The following FIBCD1 variants were observed in gnomAD, a reference collection of about 807,000 sequenced individuals.
FIBCD1 encodes the protein fibrinogen C domain containing 1.
Under a neutral mutation model 45.1 loss-of-function variants are expected in FIBCD1, and 47 were observed. That is an observed-to-expected ratio of 1.04 (90% CI 0.82 to 1.33). The LOEUF (loss-of-function observed/expected upper bound fraction) is 1.33. Ranked by LOEUF, FIBCD1 falls within the 40% of genes most tolerant of loss-of-function variation. The probability of loss-of-function intolerance (pLI) is 0.00; values close to 1 mark genes in which losing one functional copy is unlikely to be tolerated. For missense variants in FIBCD1, 653 were observed against 682.2 expected (o/e 0.96, Z 0.48); for synonymous variants, 313 against 308.1 (o/e 1.02, Z -0.17).
rs906651307 is a variant in FIBCD1, at chr9:130,926,466, T to C, written c.553-2070A>G. Among the ~76,000 whole-genome samples, 1 of 152,226 alleles carries C rather than the reference T, an allele frequency of 6.6e-6. No homozygotes were observed. The highest frequency in any genetic ancestry group is 1.5e-5 in the Non-Finnish European group (1 of 68,036). On this transcript the variant is annotated intron_variant, in intron 2 of 6. Transcript: ENST00000372338. This position sits in a 1 kb window ranked among gnomAD's most constrained non-coding sequence, Gnocchi z 4.1. ...GCTGCTGTCCCCGGCACTGCTTAGC[T>C]GTGTGAGTGAGCTTGCACACGCACC...
At chr9:130,915,317 C>A (rs1021717657) in intron 4 of FIBCD1, among the ~76,000 whole-genome samples, 1 of 152,194 alleles carries the variant, frequency 6.6e-6, no homozygotes, top group Non-Finnish European at 1.5e-5. Context: ...CACACCTGGC[C>A]CCCTGCCTTT....
chr9:130,915,431 G>A (rs778551370), intron 4 of FIBCD1, among the ~76,000 whole-genome samples: 1 of 152,186 alleles, frequency 6.6e-6, no homozygotes, highest in Non-Finnish European at 1.5e-5. Flanking sequence ...GGCCAGGAGC[G>A]GTGGCTCACG....
intron 1 of FIBCD1, among the ~76,000 whole-genome samples, chr9:130,935,378 A>C (rs1832502802): frequency 6.6e-6 from 1 of 152,200 alleles, no homozygotes; most frequent in Non-Finnish European, 1.5e-5. Context: ...TCATCTGACA[A>C]ACTCCAAACT....
intron 1 of FIBCD1, among the ~76,000 whole-genome samples, chr9:130,933,285 C>A (rs1055798480): frequency 6.6e-6 from 1 of 152,206 alleles, no homozygotes. Context: ...GGGCTCTGGG[C>A]GCTGAGCAGC....
intron 1 of FIBCD1, among the ~76,000 whole-genome samples, chr9:130,931,820 A>G (rs183848964): frequency 1.1e-4 from 16 of 152,380 alleles, no homozygotes; most frequent in African/African-American, 3.8e-4. Flanking sequence ...GGCCCCTCCT[A>G]TGATTGAATT....
chr9:130,916,805 AG>A (rs144039067), intron 4 of FIBCD1, among the ~76,000 whole-genome samples: 3,960 of 152,304 alleles, frequency 0.026, 101 homozygotes, highest in East Asian at 0.14. Context: ...CTAGGCAAAA[AG>A]GGGTGGGGAG....
chr9:130,917,720 C>T (rs1832191837), intron 4 of FIBCD1, among the ~76,000 whole-genome samples: 1 of 152,220 alleles, frequency 6.6e-6, no homozygotes, highest in African/African-American at 2.4e-5. Context: ...TAGCACCCGG[C>T]CAGTGCCGTA....
In FIBCD1 at chr9:130,926,157, C is replaced by T. The variant is rs936574277; in HGVS notation, c.553-1761G>A. Among the ~76,000 whole-genome samples, 6 of 152,100 alleles carry T rather than the reference C, an allele frequency of 3.9e-5. No homozygotes were observed. Among genetic ancestry groups the T allele is most frequent in the Admixed American group, 2.6e-4 (4 of 15,278 alleles). On this transcript the variant is annotated intron_variant, in intron 2 of 6. Transcript: ENST00000372338. The surrounding 1 kb of genome is among the most constrained non-coding windows in gnomAD (Gnocchi z 4.1). ...AGGAGGGAAGACGGTAGGTGGGGGC[C>T]GCCGTGCGATGTGTGTGCGGCAAAC...
At chr9:130,906,000 T>C (rs1163863390) in intron 5 of FIBCD1, among the ~76,000 whole-genome samples, 1 of 152,150 alleles carries the variant, frequency 6.6e-6, no homozygotes, top group Non-Finnish European at 1.5e-5. Flanking sequence ...GGAATTCCCG[T>C]GACAGTGGCA....
At chr9:130,930,087 C>A in intron 1 of FIBCD1, 41 bp from the exon 2 acceptor site, 1 of 1,478,864 alleles carries the variant, frequency 6.8e-7, no homozygotes, top group Non-Finnish European at 8.9e-7. Context: ...GACAGACAGA[C>A]GGGAGAGAGA....
chr9:130,937,594 T>A (rs1454058343), intron 1 of FIBCD1, among the ~76,000 whole-genome samples: 1 of 152,142 alleles, frequency 6.6e-6, no homozygotes, highest in South Asian at 2.1e-4. Context: ...CACGAACTGT[T>A]CCTTCCCCAA....
At chr9:130,924,922 C>T (rs1411024641) in intron 2 of FIBCD1, among the ~76,000 whole-genome samples, 6 of 152,270 alleles carry the variant, frequency 3.9e-5, no homozygotes, top group East Asian at 1.9e-4. Context: ...AAGGACCGGC[C>T]GGGTACTCAG....
chr9:130,929,526 T>G, intron 2 of FIBCD1, 41 bp downstream of exon 2: 1 of 1,485,694 alleles, frequency 6.7e-7, no homozygotes, highest in Middle Eastern at 1.8e-4. Flanking sequence ...CACCAACCCC[T>G]CGCCTCCAGC....
Position 130,911,850 on chromosome 9 carries a change from GA to G in FIBCD1, c.887del (p.Phe296SerfsTer20). ...QRREDGSVNF[F>X]RGWDAYRDGF... is the part of the protein sequence containing the mutation. Reference sequence around the variant, plus strand: ...CGTCTCGGTACGCATCCCAGCCCCGGAAGAAGTTCACGGAGCCGTCCTCCCG... The same window carrying G: ...CGTCTCGGTACGCATCCCAGCCCCGGAGAAGTTCACGGAGCCGTCCTCCCG... On this transcript the variant is annotated frameshift_variant, in exon 5 of 7. Coordinates refer to ENST00000372338, the MANE Select transcript of FIBCD1 (RefSeq NM_032843.5). LOFTEE classifies it high-confidence loss of function. 6.2e-7 allele frequency: 1 copy of G among 1,602,644 alleles called. No individual in the cohort carries two copies. Among genetic ancestry groups the G allele is most frequent in the South Asian group, 1.1e-5 (1 of 89,064 alleles).
intron 4 of FIBCD1, among the ~76,000 whole-genome samples, chr9:130,914,433 G>A (rs1339433462): frequency 6.6e-6 from 1 of 152,266 alleles, no homozygotes; most frequent in Non-Finnish European, 1.5e-5. Context: ...AGGTTGGGGA[G>A]AGAACAGGTC....
chr9:130,904,463 T>A (rs2133063873), intron 6 of FIBCD1, 140 bp from the exon 7 acceptor site: 1 of 1,246,616 alleles, frequency 8.0e-7, no homozygotes, highest in Non-Finnish European at 1.1e-6. Context: ...TCACACATAC[T>A]GCTGTGCACG....
chr9:130,927,907 C>T (rs760893400), intron 2 of FIBCD1, among the ~76,000 whole-genome samples: 7 of 152,322 alleles, frequency 4.6e-5, no homozygotes, highest in South Asian at 4.1e-4. Flanking sequence ...GTGATCTGCC[C>T]GCCTCGGCTT....
intron 5 of FIBCD1, among the ~76,000 whole-genome samples, chr9:130,910,815 T>C (rs4740384): frequency 0.34 from 49,775 of 147,330 alleles, 8,752 homozygotes; most frequent in East Asian, 0.53. Context: ...ATCAGCACCC[T>C]GTGTCTAGCT....
chr9:130,940,008 G>A (rs1011870653), upstream of FIBCD1, among the ~76,000 whole-genome samples: 3 of 140,552 alleles, frequency 2.1e-5, no homozygotes, highest in African/African-American at 5.2e-5. Flanking sequence ...ACAGACCCCC[G>A]TTCCCCGCCC....
Sources: allele counts gnomAD v4.1 joint callset (sites outside exome capture counted in the v4.1 genomes callset), GRCh38; gene constraint gnomAD v4.1.1; non-coding constraint Gnocchi (gnomAD v3.1); transcripts MANE v1.5; gene names NCBI Gene and HGNC (gene_info 2026-07-23, HGNC 2026-07-21).